Variants in KIRREL3 observed in about 807,000 individuals in gnomAD.
KIRREL3 encodes kirre like nephrin family adhesion molecule 3, also known as kin of IRRE-like protein 3.
In KIRREL3, 36 loss-of-function variants were observed where a neutral mutation model predicts 89.7. That is an observed-to-expected ratio of 0.40 (90% confidence interval 0.31 to 0.53). KIRREL3 has a LOEUF of 0.53. Among genes scored for constraint, KIRREL3 ranks in the 20% least tolerant of loss-of-function variants. The pLI, the probability that KIRREL3 is intolerant of heterozygous loss-of-function variation, is 0.49. For synonymous variants in KIRREL3, 445 were observed against 441.4 expected (o/e 1.01, Z -0.10); for missense variants, 864 against 1,056.6 (o/e 0.82, Z 2.53).
chr11:126,470,275 A>G (rs547274346), intron 5 of KIRREL3, among the ~76,000 whole-genome samples: 10 of 152,326 alleles, frequency 6.6e-5, no homozygotes, highest in African/African-American at 2.2e-4. Flanking sequence ...GAAAGCCCCT[A>G]TCCTTCCTTT....
intron 1 of KIRREL3, among the ~76,000 whole-genome samples, chr11:126,887,955 C>T (rs1250955802): frequency 3.3e-5 from 5 of 152,180 alleles, no homozygotes; most frequent in Admixed American, 6.5e-5. Flanking sequence ...CCTATCTCTC[C>T]TCTTTGCTCA....
rs60330941 is a variant in KIRREL3, at chr11:126,521,688, G to C, written c.284-224C>G. On this transcript the variant is annotated intron_variant, in intron 3 of 16. Coordinates refer to ENST00000525144, the MANE Select transcript of KIRREL3 (RefSeq NM_032531.4). This position sits in a 1 kb window ranked among gnomAD's most constrained non-coding sequence, Gnocchi z 4.1. The stretch of plus-strand genomic sequence containing the variant: ...TCTCTCTCTCTGTATGTGTGTGTGT[G>C]TGTGTGTGTGTGTGTGTGTGTGTGT... 0.042 allele frequency among the ~76,000 whole-genome samples: 229 copies of C among 5,506 alleles called. 2 individuals carry two copies. The highest frequency in any genetic ancestry group is 0.13 in the African/African-American group (210 of 1,558). The allele number at this position is 5,506 out of a possible 152,430, so 3.6% of individuals were successfully genotyped here. A position where few individuals can be genotyped will look rare whatever the true frequency, so the allele number is the denominator to read the frequency against.
At chr11:126,470,646 CCA>C (rs1956860851) in intron 5 of KIRREL3, among the ~76,000 whole-genome samples, 1 of 152,206 alleles carries the variant, frequency 6.6e-6, no homozygotes. Context: ...GTGTATTTCC[CCA>C]GTCTCTGAGG....
rs561153443 is a variant in KIRREL3, at chr11:126,985,410, T to C, written c.55+15045A>G. Among the ~76,000 whole-genome samples the C allele has an allele frequency of 3.9e-5, 6 of 152,022 alleles. No individual in the cohort carries two copies. Among genetic ancestry groups the C allele is most frequent in the Admixed American group, 3.3e-4 (5 of 15,280 alleles). On this transcript the variant is annotated intron_variant, in intron 1 of 16. Coordinates refer to ENST00000525144, the MANE Select transcript of KIRREL3 (RefSeq NM_032531.4). The surrounding 1 kb of genome is among the most constrained non-coding windows in gnomAD (Gnocchi z 5.3). Reference sequence around the variant, plus strand: ...GGAAGGGAAGGCGGACCAGAAACACTCCATGTGGATAAATCATAGTAAGAG... The same window carrying C: ...GGAAGGGAAGGCGGACCAGAAACACCCCATGTGGATAAATCATAGTAAGAG...
intron 1 of KIRREL3, among the ~76,000 whole-genome samples, chr11:126,885,902 G>C (rs7109908): frequency 0.62 from 93,805 of 152,086 alleles, 30,459 homozygotes; most frequent in African/African-American, 0.82. Flanking sequence ...TTTTACCACT[G>C]TCTACATTAA....
rs1444012201 is a variant in KIRREL3, at chr11:126,761,113, T to C, written c.56-198201A>G. Among the ~76,000 whole-genome samples, 1 of 152,230 alleles carries C rather than the reference T, an allele frequency of 6.6e-6. No homozygotes were observed. The highest frequency in any genetic ancestry group is 2.4e-5 in the African/African-American group (1 of 41,466). On this transcript the variant is annotated intron_variant, in intron 1 of 16. Coordinates refer to ENST00000525144, the MANE Select transcript of KIRREL3 (RefSeq NM_032531.4). The surrounding 1 kb of genome is among the most constrained non-coding windows in gnomAD (Gnocchi z 4.4). ...GGTGTGGAGGTGGCTCACTTCCTCC[T>C]GCCTGCTTCTTCTGAAGAATCTACT...
rs1032645476 is a variant in KIRREL3, at chr11:126,783,373, A to G, written c.55+217082T>C. Among the ~76,000 whole-genome samples, 7 of 152,160 alleles carry G rather than the reference A, an allele frequency of 4.6e-5. No individual in the cohort carries two copies. The highest frequency in any genetic ancestry group is 1.3e-4 in the Admixed American group (2 of 15,280). ...GCTTACCTTACTCCAGTATGACTTCATCCTAACTAGTGACACCTGCAATAT... is the reference window on the plus strand; with the variant it reads ...GCTTACCTTACTCCAGTATGACTTCGTCCTAACTAGTGACACCTGCAATAT... On this transcript the variant is annotated intron_variant, in intron 1 of 16. Coordinates refer to ENST00000525144, the MANE Select transcript of KIRREL3 (RefSeq NM_032531.4). The surrounding 1 kb of genome is among the most constrained non-coding windows in gnomAD (Gnocchi z 4.3).
At chr11:126,595,821 C>T (rs943498203) in intron 1 of KIRREL3, among the ~76,000 whole-genome samples, 11 of 152,234 alleles carry the variant, frequency 7.2e-5, no homozygotes, top group East Asian at 1.9e-4. Flanking sequence ...CAGTGACAGA[C>T]GCCAGCCAGG....
chr11:126,644,258 A>C (rs1378571213), intron 1 of KIRREL3, among the ~76,000 whole-genome samples: 2 of 152,230 alleles, frequency 1.3e-5, no homozygotes, highest in African/African-American at 4.8e-5. Flanking sequence ...TGTTACTAAT[A>C]GTAGAGGTAA....
In KIRREL3 at chr11:126,921,932, G is replaced by A. The variant is rs761905557; in HGVS notation, c.55+78523C>T. On this transcript the variant is annotated intron_variant, in intron 1 of 16. Coordinates refer to ENST00000525144, the MANE Select transcript of KIRREL3 (RefSeq NM_032531.4). The stretch of plus-strand genomic sequence containing the variant: ...TATCTTCCTATCTATCTATCCATCC[G>A]CCTTCCTGTCTTCCTATCATCTGTA... Among the ~76,000 whole-genome samples the A allele has an allele frequency of 7.1e-5, 10 of 141,242 alleles. 1 individual carries two copies. Among genetic ancestry groups the A allele is most frequent in the South Asian group, 2.3e-4 (1 of 4,360 alleles). 92.7% of individuals were successfully genotyped at this position (141,242 alleles called of 152,430 possible).
Position 126,809,709 on chromosome 11 carries a change from G to A in KIRREL3, c.55+190746C>T, listed in dbSNP as rs147128317. On this transcript the variant is annotated intron_variant, in intron 1 of 16. Transcript: ENST00000525144. ...TTAGGGGCACAGTGCCTAAGGCCCC[G>A]CCCTGTACAGGGCTTTGCTATCATC... Among the ~76,000 whole-genome samples the A allele has an allele frequency of 3.4e-3, 521 of 152,278 alleles. 1 individual carries two copies. Among genetic ancestry groups the A allele is most frequent in the Non-Finnish European group, 5.7e-3 (388 of 68,022 alleles).
chr11:126,596,495 G>A (rs575660324), intron 1 of KIRREL3, among the ~76,000 whole-genome samples: 2 of 152,356 alleles, frequency 1.3e-5, no homozygotes, highest in East Asian at 1.9e-4. Context: ...TTCTGAAGGG[G>A]GGAAGGTAGG....
chr11:126,544,937 C>T lies in KIRREL3; in HGVS notation c.133+17898G>A, dbSNP rs531968903. ...GGAGAAGACACAATAATGAAAAACT[C>T]AACGTGCAACATTGCCTTACGCAAT... is the stretch of plus-strand genomic sequence containing the variant. On this transcript the variant is annotated intron_variant, in intron 2 of 16. Coordinates refer to ENST00000525144, the MANE Select transcript of KIRREL3 (RefSeq NM_032531.4). This position sits in a 1 kb window ranked among gnomAD's most constrained non-coding sequence, Gnocchi z 5.6. Among the ~76,000 whole-genome samples, 51 of 152,228 alleles carry T rather than the reference C, an allele frequency of 3.4e-4. No individual in the cohort carries two copies. Among genetic ancestry groups the T allele is most frequent in the African/African-American group, 1.2e-3 (50 of 41,538 alleles).
rs1376686421 is a variant in KIRREL3 at position 126,518,192 on chromosome 11, AAC to A, written c.433+3121_433+3122del. On this transcript the variant is annotated intron_variant, in intron 4 of 16. Transcript: ENST00000525144. ...TGCCTGATTGCATCTGAGAGCTGGA[AAC>A]ACAACGCTAATTAATGTGTCTGTGA... Among the ~76,000 whole-genome samples, 4 of 152,306 alleles carry A rather than the reference AAC, an allele frequency of 2.6e-5. No individual in the cohort carries two copies. In the South Asian group the frequency reaches 8.3e-4, roughly 32 times the overall value.
In KIRREL3 at chr11:126,570,429, T is replaced by C. The variant is rs7942826; in HGVS notation, c.56-7517A>G. Among the ~76,000 whole-genome samples the C allele has an allele frequency of 0.016, 2,402 of 152,268 alleles. 59 individuals carry two copies. Among genetic ancestry groups the C allele is most frequent in the African/African-American group, 0.053 (2,192 of 41,542 alleles). On this transcript the variant is annotated intron_variant, in intron 1 of 16. Coordinates refer to ENST00000525144, the MANE Select transcript of KIRREL3 (RefSeq NM_032531.4). The surrounding 1 kb of genome is among the most constrained non-coding windows in gnomAD (Gnocchi z 6.1). ...TAAATTACGTTTTTGAAATAATGAG[T>C]TCTATAACATTTCATGTCAAGTTAT... is the stretch of plus-strand genomic sequence containing the variant.
chr11:126,899,123 G>A (rs1946275193), intron 1 of KIRREL3, among the ~76,000 whole-genome samples: 1 of 151,946 alleles, frequency 6.6e-6, no homozygotes, highest in African/African-American at 2.4e-5. Flanking sequence ...ACAAGGATGG[G>A]AAAAAACCCA....
chr11:126,442,552 A>T (rs1323364291), intron 10 of KIRREL3, among the ~76,000 whole-genome samples: 3 of 152,242 alleles, frequency 2.0e-5, no homozygotes, highest in Middle Eastern at 6.8e-3. Context: ...GGTGTGTGCC[A>T]ATTTCTTTCC....
chr11:126,988,011 T>C (rs886615935), intron 1 of KIRREL3, among the ~76,000 whole-genome samples: 1 of 152,206 alleles, frequency 6.6e-6, no homozygotes, highest in Non-Finnish European at 1.5e-5. Context: ...CCATTATTAA[T>C]CATTTCAGAA....
chr11:126,885,295 C>G (rs1223216576), intron 1 of KIRREL3, among the ~76,000 whole-genome samples: 2 of 152,114 alleles, frequency 1.3e-5, no homozygotes, highest in Non-Finnish European at 2.9e-5. Flanking sequence ...CATAAAATAT[C>G]CCAGTATGGT....
Sources: allele counts gnomAD v4.1 joint callset (sites outside exome capture counted in the v4.1 genomes callset), GRCh38; gene constraint gnomAD v4.1.1; non-coding constraint Gnocchi (gnomAD v3.1); transcripts MANE v1.5; gene names NCBI Gene and HGNC (gene_info 2026-07-23, HGNC 2026-07-21).